The following MYH9 variants were observed in gnomAD, a reference collection of about 807,000 sequenced individuals.
MYH9 encodes myosin heavy chain 9.
In MYH9, 29 loss-of-function variants were observed where a neutral mutation model predicts 241.9. The ratio of observed to expected loss-of-function variants is 0.12; its 90% CI spans 0.09 to 0.16. The LOEUF (loss-of-function observed/expected upper bound fraction) is 0.16, where lower values mean the gene tolerates loss of function less well. Ranked by LOEUF, MYH9 falls within the 10% of genes least tolerant of loss-of-function variation. MYH9 has a pLI of 1.00. For synonymous variants in MYH9, 1,047 were observed against 1,062.6 expected, an observed-to-expected ratio of 0.99 and a Z score of 0.29; for missense variants, 1,803 against 2,595.5, an observed-to-expected ratio of 0.69 and a Z score of 6.63.
At chr22:36,294,612 T>C (rs1322033998) in intron 27 of MYH9, among the ~76,000 whole-genome samples, 1 of 152,248 alleles carries the variant, frequency 6.6e-6, no homozygotes, top group Non-Finnish European at 1.5e-5. Flanking sequence ...TTGCAGATGT[T>C]AGCAATATTT....
In MYH9 at chr22:36,300,970, T is replaced by C. The variant is rs754354210; in HGVS notation, c.2719A>G (p.Thr907Ala). Reference sequence around the variant, plus strand: ...TCTTCTAATTCCTGCTTCTTGGCGGTCAGGCGGGCCCGGAGCTCCTCAGCC... The same window carrying C: ...TCTTCTAATTCCTGCTTCTTGGCGGCCAGGCGGGCCCGGAGCTCCTCAGCC... ...AEAEELRARL[T>A]AKKQELEEIC... Residue 907 changes from threonine (T) to alanine (A), a missense_variant, in exon 22 of 41, where the codon ACC (threonine) becomes GCC (alanine). Thr to Ala is a moderately conservative substitution (Grantham distance 58, BLOSUM62 0). This residue lies in a region of MYH9 where 290 missense variants were observed against 360.5 expected (regional missense o/e 0.80). Transcript: ENST00000216181. The surrounding 1 kb of genome is among the most constrained non-coding windows in gnomAD (Gnocchi z 5.0). 3.0e-5 allele frequency: 49 copies of C among 1,611,706 alleles called. No individual in the cohort carries two copies. Among genetic ancestry groups the C allele is most frequent in the Non-Finnish European group, 3.9e-5 (46 of 1,180,034 alleles).
At chr22:36,337,373 T>C (rs1758469991) in intron 3 of MYH9, among the ~76,000 whole-genome samples, 1 of 152,072 alleles carries the variant, frequency 6.6e-6, no homozygotes, top group African/African-American at 2.4e-5. Context: ...TGACAATAGG[T>C]GAGTGACATA....
intron 7 of MYH9, among the ~76,000 whole-genome samples, chr22:36,321,144 C>T (rs990281901): frequency 1.6e-4 from 25 of 152,132 alleles, no homozygotes; most frequent in African/African-American, 5.3e-4. Context: ...AGAGTTTTGC[C>T]ATGTTGGCCA....
chr22:36,383,669 G>C (rs1014975823), intron 1 of MYH9, among the ~76,000 whole-genome samples: 1 of 151,840 alleles, frequency 6.6e-6, no homozygotes, highest in Non-Finnish European at 1.5e-5. Context: ...AAAAAAAGGG[G>C]GGGGGGTGCC....
rs528292544 is a variant in MYH9 at position 36,363,222 on chromosome 22, G to A, written c.-19-13967C>T. 3.2e-4 allele frequency among the ~76,000 whole-genome samples: 48 copies of A among 152,230 alleles called. No individual in the cohort carries two copies. The South Asian group carries it at 7.7e-3, about 24-fold the overall frequency. ...CTCCCTCCTCCCCAACAGGCCCAGCGCAATCTGCCTTATACAGAACCATGG... is the reference window on the plus strand; with the variant it reads ...CTCCCTCCTCCCCAACAGGCCCAGCACAATCTGCCTTATACAGAACCATGG... On this transcript the variant is annotated intron_variant, in intron 1 of 40. Transcript: ENST00000216181.
At chr22:36,310,264 C>T (rs5756137) in intron 14 of MYH9, among the ~76,000 whole-genome samples, 77,074 of 145,484 alleles carry the variant, frequency 0.53, 22,888 homozygotes, top group Non-Finnish European at 0.68. Flanking sequence ...AACAAGACTC[C>T]GTCTCAAAAA....
intron 1 of MYH9, among the ~76,000 whole-genome samples, chr22:36,355,460 G>A (rs2017840081): frequency 6.6e-6 from 1 of 152,024 alleles, no homozygotes. Flanking sequence ...TGAACAGCTA[G>A]CACCTTAAAG....
intron 2 of MYH9, among the ~76,000 whole-genome samples, chr22:36,346,135 A>G: frequency 2.7e-5 from 4 of 147,748 alleles, no homozygotes; most frequent in African/African-American, 1.0e-4. Context: ...CTGGGTGACA[A>G]AGTGAGACTC....
intron 3 of MYH9, among the ~76,000 whole-genome samples, chr22:36,335,166 C>T (rs2017479257): frequency 6.6e-6 from 1 of 152,220 alleles, no homozygotes; most frequent in Non-Finnish European, 1.5e-5. Context: ...TTGCCTGTCT[C>T]TGAGCACGAA....
chr22:36,374,054 C>T (rs1403099310), intron 1 of MYH9, among the ~76,000 whole-genome samples: 1 of 151,786 alleles, frequency 6.6e-6, no homozygotes, highest in Non-Finnish European at 1.5e-5. Context: ...ACACCACACA[C>T]ACCCCCACCT....
Position 36,306,235 on chromosome 22 carries a change from G to A in MYH9, c.2037+179C>T, listed in dbSNP as rs1663788866. On this transcript the variant is annotated intron_variant, in intron 16 of 40. Coordinates refer to ENST00000216181, the MANE Select transcript of MYH9 (RefSeq NM_002473.6). This position sits in a 1 kb window ranked among gnomAD's most constrained non-coding sequence, Gnocchi z 4.1. ...GAGGGGCCAATGCCACCAAGAGGAA[G>A]TGCAGGCTGTGAATGTAGCGTATCT... Among the ~76,000 whole-genome samples, 1 of 152,212 alleles carries A rather than the reference G, an allele frequency of 6.6e-6. No individual in the cohort carries two copies. Among genetic ancestry groups the A allele is most frequent in the Non-Finnish European group, 1.5e-5 (1 of 68,032 alleles).
intron 13 of MYH9, 56 bp downstream of exon 13, chr22:36,314,088 GC>G: frequency 1.3e-6 from 2 of 1,566,236 alleles, no homozygotes; most frequent in Non-Finnish European, 1.8e-6. Flanking sequence ...AGGAGCGGGT[GC>G]CCCGGAAGGG....
intron 40 of MYH9, among the ~76,000 whole-genome samples, chr22:36,283,631 T>G (rs2016529799): frequency 7.4e-6 from 1 of 134,628 alleles, no homozygotes; most frequent in African/African-American, 2.7e-5. Context: ...AAAATGAGAG[T>G]CTCAAAAAAC....
At position 36,317,426 on chromosome 22, in the gene MYH9, G is replaced by A. The variant is rs750412349; in HGVS notation, c.1228-757C>T. ...ATGTAGTATTTTTGTAATAGAAAAT[G>A]GAGGTTTCTCCTTAATGGTCAGGGA... is the stretch of plus-strand genomic sequence containing the variant. On this transcript the variant is annotated intron_variant, in intron 11 of 40. Transcript: ENST00000216181. Among the ~76,000 whole-genome samples the A allele has an allele frequency of 4.6e-5, 7 of 152,044 alleles. 1 individual carries two copies. Among genetic ancestry groups the A allele is most frequent in the Non-Finnish European group, 7.4e-5 (5 of 68,016 alleles).
intron 35 of MYH9, 61 bp from the exon 36 acceptor site, chr22:36,286,014 C>T: frequency 1.9e-6 from 3 of 1,584,608 alleles, no homozygotes; most frequent in Non-Finnish European, 1.7e-6. Flanking sequence ...ACCATCCTTC[C>T]CAGCCCCAGG....
intron 2 of MYH9, among the ~76,000 whole-genome samples, chr22:36,344,226 C>T (rs371596782): frequency 1.1e-4 from 17 of 152,258 alleles, no homozygotes; most frequent in African/African-American, 2.9e-4. Context: ...CGCGCCCACG[C>T]GGCGCGGCCA....
rs1197000665 is a variant in MYH9 at position 36,319,745 on chromosome 22, A to AC, written c.1013-111dup. The AC allele has an allele frequency of 1.2e-5, 13 of 1,074,866 alleles. No homozygotes were observed. The South Asian group carries it at 1.5e-4, about 12-fold the overall frequency. 66.6% of individuals were successfully genotyped at this position (1,074,866 alleles called of 1,614,324 possible). A position where few individuals can be genotyped will look rare whatever the true frequency, so the allele number is the denominator to read the frequency against. On this transcript the variant is annotated intron_variant, in intron 9 of 40. Transcript: ENST00000216181. The stretch of plus-strand genomic sequence containing the variant: ...CAAGCCAGACAAGCCAAGCAGGGAC[A>AC]CCCCCCAACTCCCTGGGGCCACAGG...
At position 36,357,217 on chromosome 22, in the gene MYH9, G is replaced by A. The variant is rs185374466; in HGVS notation, c.-19-7962C>T. On this transcript the variant is annotated intron_variant, in intron 1 of 40. Coordinates refer to ENST00000216181, the MANE Select transcript of MYH9 (RefSeq NM_002473.6). Reference sequence around the variant, plus strand: ...GGGACACTTCCTTGGACACTCAAGCGAAGAGTGTCATGGAGGATATGACAT... The same window carrying A: ...GGGACACTTCCTTGGACACTCAAGCAAAGAGTGTCATGGAGGATATGACAT... Among the ~76,000 whole-genome samples, 7 of 152,322 alleles carry A rather than the reference G, an allele frequency of 4.6e-5. No individual in the cohort carries two copies. In the East Asian group the frequency reaches 7.7e-4, roughly 17 times the overall value.
At chr22:36,316,808 T>G (rs1315156336) in intron 11 of MYH9, 139 bp from the exon 12 acceptor site, 1 of 893,782 alleles carries the variant, frequency 1.1e-6, no homozygotes, top group African/African-American at 1.7e-5. Flanking sequence ...AAAAAAAATC[T>G]TCGTACACAA....
Sources: gnomAD v4.1 joint callset for allele counts (sites outside exome capture counted in the v4.1 genomes callset) on GRCh38, gnomAD v4.1.1 for gene constraint, gnomAD v4.1.1 regional missense constraint, Gnocchi (gnomAD v3.1) non-coding constraint, MANE v1.5 for transcripts, NCBI Gene and HGNC (gene_info 2026-07-23, HGNC 2026-07-21) for gene names.